The following MBOAT1 variants were observed in gnomAD, a reference collection of about 807,000 sequenced individuals.
MBOAT1 encodes membrane-bound glycerophospholipid O-acyltransferase 1.
A neutral mutation model predicts 64.4 loss-of-function variants in MBOAT1; 67 were observed. The ratio of observed to expected loss-of-function variants is 1.04; its 90% CI spans 0.85 to 1.27. MBOAT1 has a LOEUF of 1.27. Among genes scored for constraint, MBOAT1 ranks in the 50% most tolerant of loss-of-function variants. The pLI is 0.00. For missense variants in MBOAT1, 563 were observed against 604.6 expected (o/e 0.93, Z 0.72); for synonymous variants, 229 against 218.9 (o/e 1.05, Z -0.41).
Position 20,123,857 on chromosome 6 carries a change from C to G in MBOAT1, c.907+551G>C, listed in dbSNP as rs565015723. Among the ~76,000 whole-genome samples, 321 of 152,214 alleles carry G rather than the reference C, an allele frequency of 2.1e-3. 5 individuals carry two copies. The highest frequency in any genetic ancestry group is 3.6e-3 in the Non-Finnish European group (242 of 68,012). ...AGATCACGACGTCAGGAGATCGAGA[C>G]CATCCTGGCTAACACTGTGAAACCC... On this transcript the variant is annotated intron_variant, in intron 8 of 12. Transcript: ENST00000324607.
intron 6 of MBOAT1, 144 bp from the exon 7 acceptor site, chr6:20,126,844 G>T: frequency 1.4e-6 from 1 of 692,338 alleles, no homozygotes; most frequent in East Asian, 2.8e-5. Flanking sequence ...AAAGTCAGCC[G>T]AGGAGAAATC....
intron 2 of MBOAT1, among the ~76,000 whole-genome samples, chr6:20,151,861 G>A (rs1377025389): frequency 1.3e-5 from 2 of 152,240 alleles, no homozygotes; most frequent in East Asian, 1.9e-4. Context: ...TGCACTAAAC[G>A]CATTGTTCTA....
At chr6:20,155,220 C>T (rs1345559264) in intron 1 of MBOAT1, among the ~76,000 whole-genome samples, 3 of 152,168 alleles carry the variant, frequency 2.0e-5, no homozygotes, top group Non-Finnish European at 4.4e-5. Flanking sequence ...ACTCTTGGGG[C>T]CCACGCTAGA....
intron 4 of MBOAT1, among the ~76,000 whole-genome samples, chr6:20,137,277 G>C (rs1445897870): frequency 1.3e-5 from 2 of 152,140 alleles, no homozygotes; most frequent in East Asian, 3.9e-4. Context: ...ACCTGCAATC[G>C]TGATGGGAGA....
intron 12 of MBOAT1, among the ~76,000 whole-genome samples, chr6:20,105,013 C>CTAA (rs1225817451): frequency 6.6e-6 from 1 of 152,224 alleles, no homozygotes; most frequent in Non-Finnish European, 1.5e-5. Context: ...AAGTGACCAT[C>CTAA]TAATCTACTG....
chr6:20,116,485 AAT>A (rs745957965), intron 9 of MBOAT1, among the ~76,000 whole-genome samples: 1 of 152,214 alleles, frequency 6.6e-6, no homozygotes, highest in Non-Finnish European at 1.5e-5. Flanking sequence ...GGCCTAATGT[AAT>A]ATGTTTGTAA....
intron 1 of MBOAT1, among the ~76,000 whole-genome samples, chr6:20,188,426 T>C (rs1762715096): frequency 1.3e-5 from 2 of 152,172 alleles, no homozygotes; most frequent in South Asian, 4.1e-4. Context: ...TGCACCACAA[T>C]GTAGTAATTT....
chr6:20,128,588 A>G, intron 6 of MBOAT1, 111 bp downstream of exon 6: 1 of 734,424 alleles, frequency 1.4e-6, no homozygotes, highest in Non-Finnish European at 2.1e-6. Flanking sequence ...CATAAAATAA[A>G]TGATATTATA....
intron 1 of MBOAT1, among the ~76,000 whole-genome samples, chr6:20,194,710 T>C (rs138780095): frequency 0.018 from 2,805 of 152,312 alleles, 46 homozygotes; most frequent in Non-Finnish European, 0.024. Context: ...TTCCATACTG[T>C]ACTCTGGAGG....
At chr6:20,183,537 T>C (rs1762566145) in intron 1 of MBOAT1, among the ~76,000 whole-genome samples, 1 of 152,246 alleles carries the variant, frequency 6.6e-6, no homozygotes, top group African/African-American at 2.4e-5. Context: ...TTTCATCCTG[T>C]TTATTAGCTG....
intron 1 of MBOAT1, among the ~76,000 whole-genome samples, chr6:20,198,614 G>A (rs943573): frequency 0.53 from 79,997 of 152,068 alleles, 22,244 homozygotes; most frequent in Non-Finnish European, 0.61. Context: ...TTGTTCTTGT[G>A]ACCATTTTTC....
rs762022525 is a variant in MBOAT1 at position 20,126,719 on chromosome 6, T to C, written c.531-19A>G. 5 of 1,569,518 alleles carry C rather than the reference T, an allele frequency of 3.2e-6. No individual in the cohort carries two copies. The East Asian group carries it at 6.7e-5, about 21-fold the overall frequency. On this transcript the variant is annotated intron_variant, in intron 6 of 12. Transcript: ENST00000324607. ...TTTCACTCTGTGAAAATAAAGTAAA[T>C]AAATTGAAAAGTCTTCAGTCTTTGC...
chr6:20,152,933 C>G (rs1185724185), intron 1 of MBOAT1, among the ~76,000 whole-genome samples, 164 bp from the exon 2 acceptor site: 1 of 152,120 alleles, frequency 6.6e-6, no homozygotes. Context: ...CCCAGGTTCA[C>G]GTCATTCTCC....
chr6:20,111,146 A>T (rs975639242), intron 11 of MBOAT1, among the ~76,000 whole-genome samples: 23 of 152,210 alleles, frequency 1.5e-4, no homozygotes, highest in African/African-American at 5.5e-4. Context: ...AGGTCGAAGG[A>T]TATACTCCTT....
At chr6:20,110,187 G>A (rs1760094703) in intron 11 of MBOAT1, among the ~76,000 whole-genome samples, 1 of 150,592 alleles carries the variant, frequency 6.6e-6, no homozygotes, top group African/African-American at 2.4e-5. Flanking sequence ...GGGATTACAG[G>A]CGTGAGCCAC....
chr6:20,152,296 C>G (rs1374150298), intron 2 of MBOAT1, among the ~76,000 whole-genome samples: 1 of 150,146 alleles, frequency 6.7e-6, no homozygotes, highest in Non-Finnish European at 1.5e-5. Context: ...CACTGCACTA[C>G]AGCCTGGGCG....
chr6:20,113,520 C>T (rs62404794), intron 10 of MBOAT1, among the ~76,000 whole-genome samples: 23,002 of 152,234 alleles, frequency 0.15, 2,229 homozygotes, highest in East Asian at 0.38. Context: ...CCCTGTTCAT[C>T]CCTTTTGGCA....
At chr6:20,175,390 C>G (rs1762311433) in intron 1 of MBOAT1, among the ~76,000 whole-genome samples, 1 of 151,952 alleles carries the variant, frequency 6.6e-6, no homozygotes. Flanking sequence ...TCCCGACTAG[C>G]TAGGACTAGA....
chr6:20,211,122 G>A (rs1340631730), intron 1 of MBOAT1, among the ~76,000 whole-genome samples: 1 of 152,142 alleles, frequency 6.6e-6, no homozygotes, highest in Admixed American at 6.5e-5. Context: ...AGGTATGAGG[G>A]TGGCTCAGTA....
Sources: gnomAD v4.1 joint callset for allele counts (sites outside exome capture counted in the v4.1 genomes callset) on GRCh38, gnomAD v4.1.1 for gene constraint, MANE v1.5 for transcripts, NCBI Gene and HGNC (gene_info 2026-07-23, HGNC 2026-07-21) for gene names.